The following PPM1L variants were observed in gnomAD, a reference collection of about 807,000 sequenced individuals.
PPM1L encodes protein phosphatase, Mg2+/Mn2+ dependent 1L, also known as protein phosphatase 1L.
In PPM1L, 13 loss-of-function variants were observed where a neutral mutation model predicts 31.4. The observed-to-expected ratio is 0.41, with a 90% CI of 0.27 to 0.66. The LOEUF is 0.66. Ranked by LOEUF, PPM1L falls within the 30% of genes least tolerant of loss-of-function variation. PPM1L has a pLI of 0.29. For synonymous variants in PPM1L, 184 were observed against 175.4 expected (o/e 1.05, Z -0.39); for missense variants, 326 against 453.7 (o/e 0.72, Z 2.56).
intron 2 of PPM1L, among the ~76,000 whole-genome samples, chr3:161,059,559 T>A (rs1356590380): frequency 2.0e-5 from 3 of 152,140 alleles, no homozygotes; most frequent in African/African-American, 7.2e-5. Flanking sequence ...CATTCATCTA[T>A]TAATTTGCTT....
chr3:160,792,512 G>A (rs1429833810), intron 1 of PPM1L, among the ~76,000 whole-genome samples: 3 of 152,082 alleles, frequency 2.0e-5, no homozygotes, highest in Non-Finnish European at 2.9e-5. Context: ...TCTTAGAATG[G>A]TATATTTGTC....
intron 1 of PPM1L, among the ~76,000 whole-genome samples, chr3:160,886,272 C>T (rs1396102132): frequency 1.3e-5 from 2 of 152,206 alleles, no homozygotes; most frequent in Non-Finnish European, 2.9e-5. Context: ...CTTAGGTTTT[C>T]TTCCTGGCAG....
intron 2 of PPM1L, among the ~76,000 whole-genome samples, chr3:160,976,938 C>G (rs145891182): frequency 0.019 from 2,824 of 152,210 alleles, 80 homozygotes; most frequent in African/African-American, 0.063. Context: ...TTTGCTCTTG[C>G]TTTTCTAGTT....
rs137922670 is a variant in PPM1L at position 161,076,638 on chromosome 3, G to A, written c.*7481G>A. 5.1e-3 allele frequency: 780 copies of A among 151,992 alleles called. 1 individual carries two copies. Among genetic ancestry groups the A allele is most frequent in the African/African-American group, 0.018 (744 of 41,480 alleles). The allele number at this position is 151,992 out of a possible 1,614,324, so 9.4% of individuals were successfully genotyped here. Reference sequence around the variant, plus strand: ...ATAGCACTTACACAACTGCAGTTCAGGTCACAGAATTGAAATCTATTTGAT... The same window carrying A: ...ATAGCACTTACACAACTGCAGTTCAAGTCACAGAATTGAAATCTATTTGAT... On this transcript the variant is annotated 3_prime_UTR_variant, in exon 4 of 4. Transcript: ENST00000498165.
At chr3:161,004,770 G>A (rs1433867939) in intron 2 of PPM1L, among the ~76,000 whole-genome samples, 1 of 150,372 alleles carries the variant, frequency 6.7e-6, no homozygotes, top group Non-Finnish European at 1.5e-5. Context: ...TATCAATTTT[G>A]TTGATCCTTT....
chr3:160,828,107 G>A (rs1340494139), intron 1 of PPM1L, among the ~76,000 whole-genome samples: 1 of 152,006 alleles, frequency 6.6e-6, no homozygotes, highest in Non-Finnish European at 1.5e-5. Flanking sequence ...TCCAGCATTG[G>A]TGATTACATT....
chr3:160,877,477 G>A (rs1192450906), intron 1 of PPM1L, among the ~76,000 whole-genome samples: 1 of 152,114 alleles, frequency 6.6e-6, no homozygotes, highest in Non-Finnish European at 1.5e-5. Flanking sequence ...TGTTTTTGAG[G>A]GTAGGTACCA....
At chr3:160,856,266 A>G (rs914500892) in intron 1 of PPM1L, among the ~76,000 whole-genome samples, 1 of 152,116 alleles carries the variant, frequency 6.6e-6, no homozygotes, top group African/African-American at 2.4e-5. Flanking sequence ...AATACTTTAT[A>G]TCCTTCAGTC....
rs1316246859 is a variant in PPM1L, at chr3:161,069,775, C to G, written c.*618C>G. 6.5e-6 allele frequency: 1 copy of G among 153,284 alleles called. No homozygotes were observed. Among genetic ancestry groups the G allele is most frequent in the African/African-American group, 2.4e-5 (1 of 41,450 alleles). 9.5% of individuals were successfully genotyped at this position (153,284 alleles called of 1,614,324 possible). On this transcript the variant is annotated 3_prime_UTR_variant, in exon 4 of 4. Coordinates refer to ENST00000498165, the MANE Select transcript of PPM1L (RefSeq NM_139245.4). ...GAGAATGAGAGACCAGTGGCAACTG[C>G]CTGCACAGCAGAGATAACCCTCTTC...
chr3:160,986,490 CA>C (rs778127899), intron 2 of PPM1L, among the ~76,000 whole-genome samples: 166 of 152,104 alleles, frequency 1.1e-3, no homozygotes, highest in Admixed American at 3.1e-3. Context: ...GAAAAGAAAT[CA>C]CAATAAATTA....
rs780385260 is a variant in PPM1L, at chr3:161,077,604, C to T, written c.*8447C>T. The T allele has an allele frequency of 8.5e-5, 13 of 152,322 alleles. No individual in the cohort carries two copies. The highest frequency in any genetic ancestry group is 1.5e-4 in the Non-Finnish European group (10 of 68,024). 9.4% of individuals were successfully genotyped at this position (152,322 alleles called of 1,614,324 possible). A position where few individuals can be genotyped will look rare whatever the true frequency, so the allele number is the denominator to read the frequency against. On this transcript the variant is annotated 3_prime_UTR_variant, in exon 4 of 4. Coordinates refer to ENST00000498165, the MANE Select transcript of PPM1L (RefSeq NM_139245.4). The stretch of plus-strand genomic sequence containing the variant: ...CCAAAGACAGCCCAGAACTGAGTAT[C>T]TTCAGTGTTCCTGAGTGTAAATCAG...
At chr3:160,792,614 A>G (rs1712137529) in intron 1 of PPM1L, among the ~76,000 whole-genome samples, 1 of 152,196 alleles carries the variant, frequency 6.6e-6, no homozygotes, top group Non-Finnish European at 1.5e-5. Flanking sequence ...GTAGGTGCAG[A>G]CTTCAGAGGC....
chr3:160,949,901 C>G lies in PPM1L; in HGVS notation c.400-11835C>G, dbSNP rs145953021. On this transcript the variant is annotated intron_variant, in intron 1 of 3. Coordinates refer to ENST00000498165, the MANE Select transcript of PPM1L (RefSeq NM_139245.4). ...TCCTATTTGTACAGAAGTTTTAAAACTATATGTATGCAGTAGATGCTACTG... is the reference window on the plus strand; with the variant it reads ...TCCTATTTGTACAGAAGTTTTAAAAGTATATGTATGCAGTAGATGCTACTG... Among the ~76,000 whole-genome samples the G allele has an allele frequency of 2.2e-3, 334 of 152,242 alleles. 2 individuals carry two copies. Among genetic ancestry groups the G allele is most frequent in the African/African-American group, 7.6e-3 (315 of 41,546 alleles).
chr3:160,912,788 T>A (rs1714020520), intron 1 of PPM1L, among the ~76,000 whole-genome samples: 1 of 152,178 alleles, frequency 6.6e-6, no homozygotes, highest in Non-Finnish European at 1.5e-5. Context: ...ATTGCTATAG[T>A]CACTGTGAGG....
Position 160,788,161 on chromosome 3 carries a change from G to C in PPM1L, c.399+31454G>C, listed in dbSNP as rs141275971. 7.3e-3 allele frequency among the ~76,000 whole-genome samples: 1,118 copies of C among 152,132 alleles called. 7 individuals are homozygous for C. Among genetic ancestry groups the C allele is most frequent in the Non-Finnish European group, 0.012 (784 of 67,946 alleles). On this transcript the variant is annotated intron_variant, in intron 1 of 3. Coordinates refer to ENST00000498165, the MANE Select transcript of PPM1L (RefSeq NM_139245.4). ...TTTCTATGTCTGAAAAACAACTTTG[G>C]TAGTTTGATGGGAATAGCATTGAAT...
chr3:161,021,237 C>T (rs1209793470), intron 2 of PPM1L, among the ~76,000 whole-genome samples: 2 of 151,904 alleles, frequency 1.3e-5, no homozygotes, highest in Non-Finnish European at 2.9e-5. Context: ...TTCATTTCCA[C>T]TCATCTCAAA....
intron 1 of PPM1L, among the ~76,000 whole-genome samples, chr3:160,829,233 A>C (rs1713443042): frequency 6.8e-6 from 1 of 147,306 alleles, no homozygotes. Context: ...TCCACCCTTG[A>C]TAAAAAAAAA....
At chr3:160,808,383 C>CTGTGTGTGTG (rs71912617) in intron 1 of PPM1L, among the ~76,000 whole-genome samples, 4 of 110,308 alleles carry the variant, frequency 3.6e-5, no homozygotes, top group East Asian at 2.3e-4. Flanking sequence ...CAGGATTTTC[C>CTGTGTGTGTG]TGTGTGTGTG....
chr3:160,863,248 G>A (rs1204285397), intron 1 of PPM1L, among the ~76,000 whole-genome samples: 1 of 151,970 alleles, frequency 6.6e-6, no homozygotes, highest in Non-Finnish European at 1.5e-5. Context: ...CAGACTTGGA[G>A]ACCACATTCA....
Sources: gnomAD v4.1 joint callset for allele counts (sites outside exome capture counted in the v4.1 genomes callset) on GRCh38, gnomAD v4.1.1 for gene constraint, MANE v1.5 for transcripts, NCBI Gene and HGNC (gene_info 2026-07-23, HGNC 2026-07-21) for gene names.